ZC3H14: variants seen among roughly 807,000 people sequenced by gnomAD.
ZC3H14 encodes zinc finger CCCH-type containing 14, also known as zinc finger CCCH domain-containing protein 14.
In ZC3H14, 31 loss-of-function variants were observed where a neutral mutation model predicts 92.4. The observed-to-expected ratio is 0.34, with a 90% CI of 0.25 to 0.45. The LOEUF (loss-of-function observed/expected upper bound fraction) is 0.45, where lower values mean the gene tolerates loss of function less well. ZC3H14 is among the 20% of genes least tolerant of loss of function. ZC3H14 has a pLI of 1.00. For synonymous variants in ZC3H14, 321 were observed against 300.9 expected, an observed-to-expected ratio of 1.07 and a Z score of -0.69; for missense variants, 781 against 897.3, an observed-to-expected ratio of 0.87 and a Z score of 1.66.
chr14:88,616,190 A>G lies in ZC3H14; in HGVS notation c.*4439A>G, dbSNP rs1292270821. The G allele has an allele frequency of 3.1e-6, 5 of 1,613,942 alleles. No homozygotes were observed. Among genetic ancestry groups the G allele is most frequent in the Non-Finnish European group, 4.2e-6 (5 of 1,179,842 alleles). ...AACAACATGTCGATCACCACTGGTA[A>G]ATCGAATATTTGTCACATGGGGCGA... On this transcript the variant is annotated 3_prime_UTR_variant, in exon 17 of 17. Transcript: ENST00000251038.
chr14:88,609,416 C>G lies in ZC3H14; in HGVS notation c.2005+13C>G, dbSNP rs2086166206. On this transcript the variant is annotated intron_variant, in intron 14 of 16. Transcript: ENST00000251038. Reference sequence around the variant, plus strand: ...TCTCCAAAACCAGGTGAGTGAGTGACTGTGCTACTACATTTGGGTAAAAAA... The same window carrying G: ...TCTCCAAAACCAGGTGAGTGAGTGAGTGTGCTACTACATTTGGGTAAAAAA... The G allele has an allele frequency of 2.5e-6, 4 of 1,613,482 alleles. No homozygotes were observed. The highest frequency in any genetic ancestry group is 2.2e-5 in the South Asian group (2 of 91,080).
At chr14:88,611,640 C>G in intron 16 of ZC3H14, 105 bp from the exon 17 acceptor site, 1 of 1,343,084 alleles carries the variant, frequency 7.4e-7, no homozygotes, top group Non-Finnish European at 1.1e-6. Context: ...AATCTTATGA[C>G]CAAATATTTA....
intron 9 of ZC3H14, chr14:88,595,005 A>G (rs1294973290): frequency 6.2e-7 from 1 of 1,613,788 alleles, no homozygotes; most frequent in Admixed American, 1.7e-5. Context: ...AATATTCAAC[A>G]ACATATGAAT....
chr14:88,587,012 T>G (rs771272632), intron 9 of ZC3H14, among the ~76,000 whole-genome samples: 9 of 152,186 alleles, frequency 5.9e-5, no homozygotes, highest in Non-Finnish European at 1.3e-4. Context: ...TCTAGCCCAT[T>G]TATACTTTTC....
At position 88,627,266 on chromosome 14, in the gene ZC3H14, T is replaced by C. The variant is rs2090056926; in HGVS notation, c.*15515T>C. On this transcript the variant is annotated 3_prime_UTR_variant, in exon 17 of 17. Coordinates refer to ENST00000251038, the MANE Select transcript of ZC3H14 (RefSeq NM_024824.5). ...TTAACTTTTCTTTATATAACGTAAATGTTTTGTCTAAAGTGTGGTAGGTAA... is the reference window on the plus strand; with the variant it reads ...TTAACTTTTCTTTATATAACGTAAACGTTTTGTCTAAAGTGTGGTAGGTAA... The C allele has an allele frequency of 3.5e-6, 2 of 569,210 alleles. No individual in the cohort carries two copies. Among genetic ancestry groups the C allele is most frequent in the African/African-American group, 3.7e-5 (2 of 53,396 alleles). The allele number at this position is 569,210 out of a possible 1,614,324, so 35.3% of individuals were successfully genotyped here.
intron 13 of ZC3H14, among the ~76,000 whole-genome samples, chr14:88,607,744 C>T (rs1439135855): frequency 2.2e-4 from 27 of 123,512 alleles, no homozygotes; most frequent in African/African-American, 7.9e-4. Flanking sequence ...CCTGTAAGTG[C>T]GAGTACCATC....
At chr14:88,601,680 C>T (rs2084667893) in intron 10 of ZC3H14, among the ~76,000 whole-genome samples, 1 of 152,156 alleles carries the variant, frequency 6.6e-6, no homozygotes, top group South Asian at 2.1e-4. Context: ...CCTTTCTCTG[C>T]TGTGGTTAGG....
At chr14:88,593,601 C>T (rs759823947) in intron 9 of ZC3H14, among the ~76,000 whole-genome samples, 11 of 152,062 alleles carry the variant, frequency 7.2e-5, no homozygotes, top group Admixed American at 1.3e-4. Flanking sequence ...TTTTTGGCAG[C>T]GGTGTTAAGA....
Position 88,616,643 on chromosome 14 carries a change from T to C in ZC3H14, c.*4892T>C, listed in dbSNP as rs964799916. The C allele has an allele frequency of 1.5e-6, 2 of 1,331,416 alleles. No individual in the cohort carries two copies. Among genetic ancestry groups the C allele is most frequent in the East Asian group, 5.0e-5 (2 of 39,830 alleles). The allele number at this position is 1,331,416 out of a possible 1,614,324, so 82.5% of individuals were successfully genotyped here. ...AAATTTAGAAATTAGGACAAAACAT[T>C]TTAAATATATGGGGAAAAGTGCTGA... On this transcript the variant is annotated 3_prime_UTR_variant, in exon 17 of 17. Coordinates refer to ENST00000251038, the MANE Select transcript of ZC3H14 (RefSeq NM_024824.5).
At chr14:88,599,475 C>T (rs1170338053) in intron 10 of ZC3H14, among the ~76,000 whole-genome samples, 8 of 151,830 alleles carry the variant, frequency 5.3e-5, no homozygotes, top group Non-Finnish European at 1.5e-5. Flanking sequence ...TTACTTACTC[C>T]CCCGTCTGTC....
At chr14:88,574,430 A>C in intron 6 of ZC3H14, 1 of 390,582 alleles carries the variant, frequency 2.6e-6, no homozygotes, top group East Asian at 6.1e-5. Context: ...ATTTTTATAG[A>C]GACAGGGTTT....
chr14:88,608,502 G>T (rs563000480), intron 13 of ZC3H14: 51 of 268,742 alleles, frequency 1.9e-4, no homozygotes, highest in Non-Finnish European at 3.2e-4. Context: ...CCAGAGTAGC[G>T]TATTTCTTGT....
intron 8 of ZC3H14, among the ~76,000 whole-genome samples, chr14:88,577,354 T>A (rs1020257493): frequency 6.6e-6 from 1 of 152,222 alleles, no homozygotes; most frequent in African/African-American, 2.4e-5. Flanking sequence ...AATTACAATT[T>A]GAAACTCATA....
chr14:88,599,020 G>A (rs141955606), intron 10 of ZC3H14, among the ~76,000 whole-genome samples: 9 of 152,336 alleles, frequency 5.9e-5, no homozygotes, highest in Non-Finnish European at 7.3e-5. Context: ...CCCAGGAGGC[G>A]GAGGTTGCAG....
In ZC3H14 at chr14:88,573,015, T is replaced by C; in HGVS notation, c.861+8T>C. On this transcript the variant is annotated splice_region_variant and intron_variant, in intron 6 of 16. Transcript: ENST00000251038. ...GAGAAAATGAGTATGGAGGTTTGTATGTACTTTTAAATTCTGGCTTAGGCT... is the reference window on the plus strand; with the variant it reads ...GAGAAAATGAGTATGGAGGTTTGTACGTACTTTTAAATTCTGGCTTAGGCT... 2 of 1,613,644 alleles carry C rather than the reference T, an allele frequency of 1.2e-6. No individual in the cohort carries two copies. The highest frequency in any genetic ancestry group is 1.7e-6 in the Non-Finnish European group (2 of 1,180,010).
rs1387609087 is a variant in ZC3H14 at position 88,623,712 on chromosome 14, C to G, written c.*11961C>G. On this transcript the variant is annotated 3_prime_UTR_variant, in exon 17 of 17. Coordinates refer to ENST00000251038, the MANE Select transcript of ZC3H14 (RefSeq NM_024824.5). The stretch of plus-strand genomic sequence containing the variant: ...CAGGCGTGAGCCACTGCAACTGGCC[C>G]AGAGCTTATTTTTGAAGGCCAAAAC... The G allele has an allele frequency of 1.3e-5, 2 of 152,236 alleles. No homozygotes were observed. Among genetic ancestry groups the G allele is most frequent in the African/African-American group, 4.8e-5 (2 of 41,432 alleles). The allele number at this position is 152,236 out of a possible 1,614,324, so 9.4% of individuals were successfully genotyped here. A position where few individuals can be genotyped will look rare whatever the true frequency, so the allele number is the denominator to read the frequency against.
intron 9 of ZC3H14, among the ~76,000 whole-genome samples, chr14:88,585,184 G>A (rs547976160): frequency 3.7e-4 from 56 of 152,218 alleles, no homozygotes; most frequent in Non-Finnish European, 6.9e-4. Flanking sequence ...TTATTGGAGA[G>A]TTTAGACCAG....
rs1255745981 is a variant in ZC3H14 at position 88,573,312 on chromosome 14, G to A, written c.861+305G>A. Among the ~76,000 whole-genome samples the A allele has an allele frequency of 4.6e-5, 7 of 151,944 alleles. No individual in the cohort carries two copies. In the East Asian group the frequency reaches 5.9e-4, roughly 13 times the overall value. ...GGAGAATGGCGTGAACCTGGGAGGC[G>A]GAGCTTGCACTGAGCCAAGATCGTG... On this transcript the variant is annotated intron_variant, in intron 6 of 16. Transcript: ENST00000251038.
chr14:88,606,747 TAAA>T (rs34408574), intron 12 of ZC3H14, among the ~76,000 whole-genome samples: 8 of 95,874 alleles, frequency 8.3e-5, no homozygotes, highest in Admixed American at 1.3e-4. Context: ...GACCCTGTCG[TAAA>T]AAAAAAAAAA....
Sources: allele counts gnomAD v4.1 joint callset (sites outside exome capture counted in the v4.1 genomes callset), GRCh38; gene constraint gnomAD v4.1.1; transcripts MANE v1.5; gene names NCBI Gene and HGNC (gene_info 2026-07-23, HGNC 2026-07-21).